Variants in TRDN observed in about 807,000 individuals in gnomAD.
TRDN encodes triadin in skeletal muscle.
In TRDN, 161 loss-of-function variants were observed where a neutral mutation model predicts 149.7. That is an observed-to-expected ratio of 1.08 (90% CI 0.95 to 1.23). The LOEUF is 1.23. Ranked by LOEUF, TRDN falls within the 50% of genes most tolerant of loss-of-function variation. The probability of loss-of-function intolerance (pLI) is 0.00; values close to 1 mark genes in which losing one functional copy is unlikely to be tolerated. For missense variants in TRDN, 896 were observed against 823.5 expected, an observed-to-expected ratio of 1.09 and a Z score of -1.08; for synonymous variants, 294 against 250.5, an observed-to-expected ratio of 1.17 and a Z score of -1.64.
chr6:123,284,834 T>C (rs1007875219), intron 24 of TRDN, among the ~76,000 whole-genome samples: 2 of 152,112 alleles, frequency 1.3e-5, no homozygotes, highest in African/African-American at 4.8e-5. Context: ...ACAAAATTAA[T>C]GTACACACAT....
At chr6:123,427,280 G>GTT in intron 12 of TRDN, among the ~76,000 whole-genome samples, 1 of 139,432 alleles carries the variant, frequency 7.2e-6, no homozygotes, top group South Asian at 2.3e-4. Flanking sequence ...CACGCCTTTT[G>GTT]TTTTTTTTTT....
At chr6:123,473,028 C>G (rs1346656034) in intron 9 of TRDN, among the ~76,000 whole-genome samples, 1 of 152,054 alleles carries the variant, frequency 6.6e-6, no homozygotes, top group African/African-American at 2.4e-5. Flanking sequence ...ACTCTAAAAA[C>G]CAGAGCGCCT....
intron 21 of TRDN, among the ~76,000 whole-genome samples, chr6:123,339,774 A>G (rs950456675): frequency 1.3e-5 from 2 of 152,160 alleles, no homozygotes; most frequent in African/African-American, 2.4e-5. Context: ...CACTAAGACT[A>G]GTGTTCTCAG....
chr6:123,587,834 A>G (rs1041343837), intron 1 of TRDN, among the ~76,000 whole-genome samples: 6 of 152,036 alleles, frequency 3.9e-5, no homozygotes, highest in Non-Finnish European at 7.4e-5. Context: ...TTGAGCCAGG[A>G]TGAGCCAGGA....
rs375641519 is a variant in TRDN, at chr6:123,279,015, C to T, written c.1537+41G>A. On this transcript the variant is annotated intron_variant, in intron 25 of 40. Coordinates refer to ENST00000334268, the MANE Select transcript of TRDN (RefSeq NM_006073.4). ...AAGATTTGTTTTATGTATGTATGTA[C>T]ATATGTACGTGTTTGTTTATTGAGC... is the stretch of plus-strand genomic sequence containing the variant. The T allele has an allele frequency of 2.5e-5, 40 of 1,572,018 alleles. No homozygotes were observed. In the South Asian group the frequency reaches 3.0e-4, roughly 12 times the overall value.
chr6:123,560,883 C>T (rs754953580), intron 2 of TRDN, among the ~76,000 whole-genome samples: 20 of 152,158 alleles, frequency 1.3e-4, no homozygotes, highest in African/African-American at 2.7e-4. Context: ...TCCTTTCCAT[C>T]GTGGAAATCT....
At chr6:123,359,108 T>C (rs1374089652) in intron 20 of TRDN, among the ~76,000 whole-genome samples, 2 of 152,170 alleles carry the variant, frequency 1.3e-5, no homozygotes, top group African/African-American at 4.8e-5. Flanking sequence ...AGAAAAAATA[T>C]TGCATCAGTT....
At chr6:123,520,659 G>T (rs537658118) in intron 5 of TRDN, among the ~76,000 whole-genome samples, 1 of 152,102 alleles carries the variant, frequency 6.6e-6, no homozygotes, top group African/African-American at 2.4e-5. Flanking sequence ...AATCACAAAA[G>T]ATATTTTATA....
At chr6:123,303,115 T>C (rs913476965) in intron 24 of TRDN, among the ~76,000 whole-genome samples, 2 of 152,116 alleles carry the variant, frequency 1.3e-5, no homozygotes, top group African/African-American at 4.8e-5. Context: ...TAAATCATGA[T>C]GTCAAATCAC....
chr6:123,584,873 G>C (rs1309118635), intron 1 of TRDN, among the ~76,000 whole-genome samples: 2 of 152,290 alleles, frequency 1.3e-5, no homozygotes, highest in Admixed American at 1.3e-4. Context: ...AAACAATTTG[G>C]TTGATAAGGC....
intron 12 of TRDN, among the ~76,000 whole-genome samples, chr6:123,436,502 A>T (rs958865349): frequency 2.0e-5 from 3 of 152,078 alleles, no homozygotes; most frequent in Non-Finnish European, 4.4e-5. Context: ...CATTTATAGC[A>T]TGATGCCAGA....
intron 24 of TRDN, among the ~76,000 whole-genome samples, chr6:123,283,058 T>C (rs531881177): frequency 6.6e-6 from 1 of 151,970 alleles, no homozygotes; most frequent in South Asian, 2.1e-4. Context: ...ATAGCTTTTT[T>C]AATGGGCCAC....
intron 12 of TRDN, among the ~76,000 whole-genome samples, chr6:123,393,883 C>A (rs1482804239): frequency 1.3e-5 from 2 of 152,098 alleles, no homozygotes; most frequent in Non-Finnish European, 2.9e-5. Context: ...CAATTTAAAT[C>A]ATAAGATAAA....
intron 22 of TRDN, among the ~76,000 whole-genome samples, chr6:123,336,136 A>G (rs1388649080): frequency 6.6e-6 from 1 of 151,620 alleles, no homozygotes; most frequent in Non-Finnish European, 1.5e-5. Context: ...TTTTGTTTTT[A>G]TAAGGTCTAC....
intron 1 of TRDN, among the ~76,000 whole-genome samples, chr6:123,579,568 C>A (rs1025855648): frequency 1.3e-5 from 2 of 152,076 alleles, no homozygotes; most frequent in Non-Finnish European, 2.9e-5. Context: ...ATTTTTGCAT[C>A]AATGTTTATC....
At chr6:123,243,667 AAG>A (rs1461586418) in intron 38 of TRDN, among the ~76,000 whole-genome samples, 1 of 152,172 alleles carries the variant, frequency 6.6e-6, no homozygotes, top group Non-Finnish European at 1.5e-5. Context: ...TATCAAGTAA[AAG>A]AAAATCAAGT....
At chr6:123,471,135 A>G (rs1777127408) in intron 9 of TRDN, 1 of 152,210 alleles carries the variant, frequency 6.6e-6, no homozygotes, top group African/African-American at 2.4e-5. Flanking sequence ...AGTTGTAGAG[A>G]AGTGGATAAA....
intron 24 of TRDN, among the ~76,000 whole-genome samples, chr6:123,304,257 T>A (rs945027561): frequency 2.0e-4 from 29 of 144,630 alleles, no homozygotes; most frequent in African/African-American, 7.5e-4. Flanking sequence ...ATTTTCTTTT[T>A]TTTTTTTTTT....
At chr6:123,356,524 T>TATATATAC (rs1780688408) in intron 20 of TRDN, among the ~76,000 whole-genome samples, 1 of 77,538 alleles carries the variant, frequency 1.3e-5, no homozygotes, top group South Asian at 7.9e-4. Context: ...TATATATATA[T>TATATATAC]ATATATATAT....
Sources: allele counts gnomAD v4.1 joint callset (sites outside exome capture counted in the v4.1 genomes callset), GRCh38; gene constraint gnomAD v4.1.1; transcripts MANE v1.5; gene names NCBI Gene and HGNC (gene_info 2026-07-23, HGNC 2026-07-21).